The following SQSTM1 variants were observed in gnomAD, a reference collection of about 807,000 sequenced individuals.
SQSTM1 encodes sequestosome 1.
SQSTM1 carries 36 observed loss-of-function variants against 45.1 expected under a neutral mutation model. The ratio of observed to expected loss-of-function variants is 0.80; its 90% CI spans 0.61 to 1.05. SQSTM1 has a LOEUF of 1.05. Ranked by LOEUF, SQSTM1 falls within the 50% of genes least tolerant of loss-of-function variation. The pLI, the probability that SQSTM1 is intolerant of heterozygous loss-of-function variation, is 0.00. For missense variants in SQSTM1, 617 were observed against 607.1 expected, an observed-to-expected ratio of 1.02 and a Z score of -0.17; for synonymous variants, 290 against 244.3, an observed-to-expected ratio of 1.19 and a Z score of -1.74.
intron 2 of SQSTM1, chr5:179,813,754 C>CAAAAT (rs55836048): frequency 0.65 from 97,668 of 150,260 alleles, 32,976 homozygotes; most frequent in Non-Finnish European, 0.76. Context: ...GACCTTTTCT[C>CAAAAT]AAAATAAAAT....
Position 179,806,463 on chromosome 5 carries a change from G to T in SQSTM1, c.-285G>T. The T allele has an allele frequency of 8.0e-7, 1 of 1,245,144 alleles. No homozygotes were observed. Among genetic ancestry groups the T allele is most frequent in the Non-Finnish European group, 1.0e-6 (1 of 967,642 alleles). The allele number at this position is 1,245,144 out of a possible 1,614,324, so 77.1% of individuals were successfully genotyped here. A position where few individuals can be genotyped will look rare whatever the true frequency, so the allele number is the denominator to read the frequency against. ...GCCGACGCCCAGGTGCGCCAGGTGC[G>T]GGCCGGGCGGGGGTCGCGCTCACCT... On this transcript the variant is annotated 5_prime_UTR_variant, in exon 1 of 6. Transcript: ENST00000514093. This position sits in a 1 kb window ranked among gnomAD's most constrained non-coding sequence, Gnocchi z 4.6.
upstream of SQSTM1, among the ~76,000 whole-genome samples, chr5:179,814,672 G>C (rs1036084633): frequency 6.6e-6 from 1 of 152,208 alleles, no homozygotes; most frequent in East Asian, 1.9e-4. Flanking sequence ...AATGCTTGGC[G>C]TATAGGTGAT....
upstream of SQSTM1, chr5:179,820,644 C>T: frequency 2.7e-6 from 1 of 367,148 alleles, no homozygotes; most frequent in East Asian, 4.7e-5. Context: ...GGAGCCCAGG[C>T]CTGTATGAGT....
upstream of SQSTM1, chr5:179,820,078 A>T (rs1424464732): frequency 6.5e-6 from 1 of 152,732 alleles, no homozygotes; most frequent in Non-Finnish European, 1.5e-5. Flanking sequence ...CTCTGGTGGC[A>T]TAAAGCAGTG....
intron 5 of SQSTM1, among the ~76,000 whole-genome samples, chr5:179,832,005 G>A (rs577360778): frequency 2.2e-4 from 34 of 152,020 alleles, no homozygotes; most frequent in African/African-American, 7.7e-4. Context: ...GGGTAGTCTC[G>A]ATCTCCTGAT....
Position 179,833,619 on chromosome 5 carries a change from AGAT to A in SQSTM1, c.1008_1010del (p.Asp337del). 4 of 1,614,104 alleles carry A rather than the reference AGAT, an allele frequency of 2.5e-6. No homozygotes were observed. The highest frequency in any genetic ancestry group is 2.2e-5 in the East Asian group (1 of 44,860). ...TGGAGTCGGATAACTGTTCAGGAGG[AGAT>A]GATGACTGGACCCATCTGTCTTCAA... On this transcript the variant is annotated inframe_deletion, in exon 7 of 8. Coordinates refer to ENST00000389805, the MANE Select transcript of SQSTM1 (RefSeq NM_003900.5).
rs1554091448 is a variant in SQSTM1, at chr5:179,833,647, A to C, written c.1030A>C (p.Lys344Gln). The change falls in exon 7 of 8, where the codon AAA becomes CAA. Residue 344 changes from lysine to glutamine, a missense_variant. Lys to Gln is a moderately conservative substitution (Grantham distance 53). Coordinates refer to ENST00000389805, the MANE Select transcript of SQSTM1 (RefSeq NM_003900.5). ...TGATGACTGGACCCATCTGTCTTCA[A>C]AAGAAGTGGACCCGTCTACAGGTGA... ...GDDDWTHLSS[K>Q]EVDPSTGELQ... 3 of 1,614,150 alleles carry C rather than the reference A, an allele frequency of 1.9e-6. No individual in the cohort carries two copies. The highest frequency in any genetic ancestry group is 1.7e-6 in the Non-Finnish European group (2 of 1,180,024).
At chr5:179,817,107 G>T (rs1221283031), upstream of SQSTM1, among the ~76,000 whole-genome samples, 1 of 151,368 alleles carries the variant, frequency 6.6e-6, no homozygotes, top group Admixed American at 6.6e-5. Flanking sequence ...GCCGGGACAC[G>T]CCTGGGGTCA....
At chr5:179,814,148 C>T (rs1308836996), upstream of SQSTM1, among the ~76,000 whole-genome samples, 1 of 152,178 alleles carries the variant, frequency 6.6e-6, no homozygotes, top group East Asian at 1.9e-4. Flanking sequence ...GAAAGCTATA[C>T]AACTCCGTTT....
chr5:179,832,228 T>TGGGGAGTGGGATGGGGGC (rs1758261258), intron 5 of SQSTM1, among the ~76,000 whole-genome samples: 1 of 152,196 alleles, frequency 6.6e-6, no homozygotes, highest in Non-Finnish European at 1.5e-5. Flanking sequence ...AGGGAGAGTT[T>TGGGGAGTGGGATGGGGGC]GGGGAGTGGG....
In SQSTM1 at chr5:179,836,675, C is replaced by CG; in HGVS notation, c.*85dup. 1 of 1,598,932 alleles carries CG rather than the reference C, an allele frequency of 6.3e-7. No individual in the cohort carries two copies. Among genetic ancestry groups the CG allele is most frequent in the Non-Finnish European group, 8.6e-7 (1 of 1,166,726 alleles). On this transcript the variant is annotated 3_prime_UTR_variant, in exon 8 of 8. Coordinates refer to ENST00000389805, the MANE Select transcript of SQSTM1 (RefSeq NM_003900.5). ...TTGCGTAGAATTGCAGGTCTCTGTA[C>CG]GGGCCAGTTTCTCTGCCTTCTTCCA...
upstream of SQSTM1, among the ~76,000 whole-genome samples, chr5:179,815,482 G>C (rs949470431): frequency 2.0e-5 from 3 of 152,030 alleles, no homozygotes; most frequent in African/African-American, 2.4e-5. Flanking sequence ...ACTACTCTTG[G>C]ATACAATTGA....
chr5:179,809,014 C>T (rs866043410), intron 1 of SQSTM1, among the ~76,000 whole-genome samples: 14 of 150,976 alleles, frequency 9.3e-5, no homozygotes, highest in South Asian at 2.1e-4. Context: ...CCCACCACCA[C>T]GCTCGGCTGA....
chr5:179,833,859 C>A, intron 7 of SQSTM1, 77 bp downstream of exon 7: 1 of 1,501,454 alleles, frequency 6.7e-7, no homozygotes. Context: ...ATTTCAGCGA[C>A]ACAAACAGAA....
In SQSTM1 at chr5:179,837,675, G is replaced by A; in HGVS notation, c.*1082G>A. On this transcript the variant is annotated 3_prime_UTR_variant, in exon 8 of 8. Coordinates refer to ENST00000389805, the MANE Select transcript of SQSTM1 (RefSeq NM_003900.5). The stretch of plus-strand genomic sequence containing the variant: ...CCAGCTGGCCTGGGGTCCCTCTGAA[G>A]AGACCTTGGCTGCTCACTGTCCACA... 1 of 1,614,246 alleles carries A rather than the reference G, an allele frequency of 6.2e-7. No homozygotes were observed. Among genetic ancestry groups the A allele is most frequent in the Non-Finnish European group, 8.5e-7 (1 of 1,180,048 alleles).
At chr5:179,836,132 G>C (rs930795297) in intron 7 of SQSTM1, 9 of 518,036 alleles carry the variant, frequency 1.7e-5, no homozygotes, top group Admixed American at 3.2e-5. Context: ...TAACTGGCCT[G>C]TTCTTACATT....
upstream of SQSTM1, chr5:179,820,832 A>G (rs1757744026): frequency 1.8e-6 from 2 of 1,127,578 alleles, no homozygotes; most frequent in Admixed American, 3.9e-5. Flanking sequence ...AGGGCGCGAG[A>G]GACTCCGCCC....
chr5:179,833,344 T>TA, intron 6 of SQSTM1, 98 bp downstream of exon 6: 1 of 1,240,210 alleles, frequency 8.1e-7, no homozygotes, highest in South Asian at 1.3e-5. Context: ...CAGCCCCACT[T>TA]ACAAACCCGA....
chr5:179,823,887 C>T lies in SQSTM1; in HGVS notation c.331C>T (p.Pro111Ser), dbSNP rs1467147421. ...AAAAGAGTGCCGGCGGGACCACCGC[C>T]CACCGTGTGCTCAGGAGGCGCCCCG... ...EKKECRRDHR[P>S]PCAQEAPRNM... Residue 111 changes from proline (P) to serine (S), a missense_variant, in exon 3 of 8, where the codon CCA becomes TCA. Pro to Ser is a moderately conservative substitution (Grantham distance 74). Transcript: ENST00000389805. The T allele has an allele frequency of 6.2e-7, 1 of 1,613,212 alleles. No individual in the cohort carries two copies. Among genetic ancestry groups the T allele is most frequent in the Admixed American group, 1.7e-5 (1 of 60,034 alleles).
Sources: allele counts gnomAD v4.1 joint callset (sites outside exome capture counted in the v4.1 genomes callset), GRCh38; gene constraint gnomAD v4.1.1; non-coding constraint Gnocchi (gnomAD v3.1); transcripts MANE v1.5; gene names NCBI Gene and HGNC (gene_info 2026-07-23, HGNC 2026-07-21).